Variants in SNX17 observed in about 807,000 individuals in gnomAD.
SNX17 encodes sorting nexin 17.
SNX17 carries 35 observed loss-of-function variants against 64.3 expected under a neutral mutation model. That is an observed-to-expected ratio of 0.54 (90% CI 0.42 to 0.72). The LOEUF is 0.72. SNX17 is among the 30% of genes least tolerant of loss of function. SNX17 has a pLI of 0.00. For synonymous variants in SNX17, 259 were observed against 230.2 expected (o/e 1.13, Z -1.13); for missense variants, 538 against 610.0 (o/e 0.88, Z 1.24).
chr2:27,372,871 G>C, intron 3 of SNX17, 131 bp downstream of exon 3: 1 of 1,330,828 alleles, frequency 7.5e-7, no homozygotes, highest in Non-Finnish European at 1.1e-6. Context: ...CTGTTATGCA[G>C]TTAGCAAAGT....
Position 27,375,152 on chromosome 2 carries a change from A to T in SNX17, c.773A>T (p.Glu258Val). ...CTGCAAGAGAAAGTCTCCAAGAAGGAGGTGAGCCCTGCCTCCTCTCTGTCT... is the reference window on the plus strand; with the variant it reads ...CTGCAAGAGAAAGTCTCCAAGAAGGTGGTGAGCCCTGCCTCCTCTCTGTCT... ...KSLQEKVSKKEFLRLAQTLRH... is the reference protein window; with the variant it reads ...KSLQEKVSKKVFLRLAQTLRH... The change falls in exon 9 of 15, where the codon GAG becomes GTG. Residue 258 changes from glutamate (E) to valine (V), a missense_variant and splice_region_variant. Transcript: ENST00000233575. The surrounding 1 kb of genome is among the most constrained non-coding windows in gnomAD (Gnocchi z 4.1). 1.9e-6 allele frequency: 3 copies of T among 1,614,012 alleles called. No homozygotes were observed. The highest frequency in any genetic ancestry group is 2.5e-6 in the Non-Finnish European group (3 of 1,179,928).
intron 8 of SNX17, 98 bp downstream of exon 8, chr2:27,374,856 TG>T: frequency 8.2e-7 from 1 of 1,220,254 alleles, no homozygotes; most frequent in Non-Finnish European, 1.2e-6. Context: ...TCCCAATTTG[TG>T]GGGAAGTTCC....
chr2:27,372,982 G>A (rs2148396568), intron 3 of SNX17: 1 of 1,457,798 alleles, frequency 6.9e-7, no homozygotes, highest in Non-Finnish European at 9.4e-7. Flanking sequence ...AATATCAGTG[G>A]AGAGAACTTA....
At position 27,374,448 on chromosome 2, in the gene SNX17, TGGAAG is replaced by T. The variant is rs745548435; in HGVS notation, c.611+18_611+22del. 2.4e-5 allele frequency: 39 copies of T among 1,606,890 alleles called. No individual in the cohort carries two copies. Among genetic ancestry groups the T allele is most frequent in the Non-Finnish European group, 3.2e-5 (38 of 1,173,906 alleles). ...CTAAGGAAGAGGTCAGGGCTGGGCCTGGAAGGGGAGGGGTGGGAGGTGCTGTGCTG... is the reference window on the plus strand; with the variant it reads ...CTAAGGAAGAGGTCAGGGCTGGGCCTGGGAGGGGTGGGAGGTGCTGTGCTG... On this transcript the variant is annotated intron_variant, in intron 7 of 14. Transcript: ENST00000233575.
chr2:27,377,355 C>T lies in SNX17; in HGVS notation c.*636C>T. 1.4e-6 allele frequency: 1 copy of T among 718,094 alleles called. No homozygotes were observed. 44.5% of individuals were successfully genotyped at this position (718,094 alleles called of 1,614,324 possible). On this transcript the variant is annotated 3_prime_UTR_variant, in exon 15 of 15. Coordinates refer to ENST00000233575, the MANE Select transcript of SNX17 (RefSeq NM_014748.4). This position sits in a 1 kb window ranked among gnomAD's most constrained non-coding sequence, Gnocchi z 4.4. ...GGGGGCAGTGGAGGTGAATACAGGG[C>T]CCTTCTCACTGAGCTCGTGAAGTGC...
At position 27,377,139 on chromosome 2, in the gene SNX17, CCT is replaced by C; in HGVS notation, c.*424_*425del. 2.4e-6 allele frequency: 1 copy of C among 414,114 alleles called. No individual in the cohort carries two copies. Among genetic ancestry groups the C allele is most frequent in the Non-Finnish European group, 4.5e-6 (1 of 221,062 alleles). The allele number at this position is 414,114 out of a possible 1,614,324, so 25.7% of individuals were successfully genotyped here. On this transcript the variant is annotated 3_prime_UTR_variant, in exon 15 of 15. Coordinates refer to ENST00000233575, the MANE Select transcript of SNX17 (RefSeq NM_014748.4). This position sits in a 1 kb window ranked among gnomAD's most constrained non-coding sequence, Gnocchi z 4.4. ...CCTGACTGCTGCCTACCTCTGGTTC[CCT>C]CTCACTGCCCCTGCTTCCCCCATCA...
At chr2:27,373,609 C>T (rs1036097612) in intron 4 of SNX17, among the ~76,000 whole-genome samples, 28 of 152,166 alleles carry the variant, frequency 1.8e-4, no homozygotes, top group African/African-American at 6.5e-4. Context: ...GTGATCCACC[C>T]GCCTTGGCCT....
At position 27,376,334 on chromosome 2, in the gene SNX17, G is replaced by T; in HGVS notation, c.1204G>T (p.Gly402Cys). The change falls in exon 13 of 15, where the codon GGT becomes TGT. Residue 402 changes from glycine to cysteine, a missense_variant. Transcript: ENST00000233575. Reference sequence around the variant, plus strand: ...CCAGATGCTGCGCCGGCGGGTGGGGGGTACTCTGAGACGCTCAGACAGCCA... The same window carrying T: ...CCAGATGCTGCGCCGGCGGGTGGGGTGTACTCTGAGACGCTCAGACAGCCA... ...IRKMLRRRVG[G>C]TLRRSDSQQA... 6.2e-7 allele frequency: 1 copy of T among 1,612,270 alleles called. No homozygotes were observed. Among genetic ancestry groups the T allele is most frequent in the Non-Finnish European group, 8.5e-7 (1 of 1,178,722 alleles).
rs777349637 is a variant in SNX17, at chr2:27,373,275, C to T, written c.285C>T (p.Ser95=). ...AVRQDPLLGS[S]ETFNSFLRRA... Reference sequence around the variant, plus strand: ...GGCAAGACCCATTGCTTGGGAGCAGCGAGACTTTCAACAGTTTCCTGCGTC... The same window carrying T: ...GGCAAGACCCATTGCTTGGGAGCAGTGAGACTTTCAACAGTTTCCTGCGTC... The change falls in exon 4 of 15, where the codon AGC becomes AGT. Residue 95 remains serine (S), a synonymous_variant. Transcript: ENST00000233575. 100 of 1,614,030 alleles carry T rather than the reference C, an allele frequency of 6.2e-5. No individual in the cohort carries two copies. Among genetic ancestry groups the T allele is most frequent in the Non-Finnish European group, 7.2e-5 (85 of 1,180,026 alleles).
At chr2:27,374,654 G>A in intron 7 of SNX17, 35 bp from the exon 8 acceptor site, 1 of 1,602,872 alleles carries the variant, frequency 6.2e-7, no homozygotes, top group Non-Finnish European at 8.5e-7. Flanking sequence ...ACCCAGCTTA[G>A]CCCCATTACC....
Position 27,375,321 on chromosome 2 carries a change from G to A in SNX17, c.774+168G>A, listed in dbSNP as rs537465838. Among the ~76,000 whole-genome samples, 2 of 152,226 alleles carry A rather than the reference G, an allele frequency of 1.3e-5. No individual in the cohort carries two copies. The highest frequency in any genetic ancestry group is 3.9e-4 in the East Asian group (2 of 5,172). On this transcript the variant is annotated intron_variant, in intron 9 of 14. Transcript: ENST00000233575. This position sits in a 1 kb window ranked among gnomAD's most constrained non-coding sequence, Gnocchi z 4.1. ...GCCCGGCTAATTTTTTGTATTTTTG[G>A]GAGAGACAGGGTTTCACCATGTTAG...
At chr2:27,372,934 C>T (rs754795045) in intron 3 of SNX17, 194 bp downstream of exon 3, 9 of 1,305,126 alleles carry the variant, frequency 6.9e-6, no homozygotes, top group South Asian at 1.3e-5. Flanking sequence ...AATTTGGGCA[C>T]TAACATCTAT....
rs944963690 is a variant in SNX17, at chr2:27,372,607, C to T, written c.139-16C>T. The stretch of plus-strand genomic sequence containing the variant: ...TCTGTGTTTATGTGAAGGGTTGTAT[C>T]TCTTTCTCTAAATAGCTTCGGAAGG... On this transcript the variant is annotated splice_polypyrimidine_tract_variant and intron_variant, in intron 2 of 14. Coordinates refer to ENST00000233575, the MANE Select transcript of SNX17 (RefSeq NM_014748.4). 9.3e-6 allele frequency: 15 copies of T among 1,614,072 alleles called. 1 individual carries two copies. The Admixed American group carries it at 1.8e-4, about 20-fold the overall frequency.
chr2:27,374,730 G>A lies in SNX17; in HGVS notation c.653G>A (p.Arg218Gln), dbSNP rs145463878. The change falls in exon 8 of 15, where the codon CGG (arginine) becomes CAG (glutamine). Residue 218 changes from arginine to glutamine, a missense_variant. Physicochemically the swap from Arg to Gln is conservative, Grantham distance 43 (BLOSUM62 1). Transcript: ENST00000233575. ...TATGATGACGATGTCATGGAGAACC[G>A]GGTTGGCCTGAACCTGCTTTATGCT... Reference protein sequence around the residue: ...SAYDDDVMENRVGLNLLYAQT... With the variant: ...SAYDDDVMENQVGLNLLYAQT... The A allele has an allele frequency of 1.6e-4, 257 of 1,614,090 alleles. No individual in the cohort carries two copies. Among genetic ancestry groups the A allele is most frequent in the Non-Finnish European group, 1.9e-4 (228 of 1,180,020 alleles).
Position 27,374,517 on chromosome 2 carries a change from T to C in SNX17, c.611+84T>C, listed in dbSNP as rs918916433. 8 of 1,366,144 alleles carry C rather than the reference T, an allele frequency of 5.9e-6. No individual in the cohort carries two copies. The African/African-American group carries it at 8.6e-5, about 15-fold the overall frequency. The allele number at this position is 1,366,144 out of a possible 1,614,324, so 84.6% of individuals were successfully genotyped here. A position where few individuals can be genotyped will look rare whatever the true frequency, so the allele number is the denominator to read the frequency against. ...GGCCACATATTGAGACAGAATAATC[T>C]GGACAAGGGGGTGTAGTGCTGGGTG... On this transcript the variant is annotated intron_variant, in intron 7 of 14. Coordinates refer to ENST00000233575, the MANE Select transcript of SNX17 (RefSeq NM_014748.4).
chr2:27,373,897 G>T lies in SNX17; in HGVS notation c.358G>T (p.Glu120Ter). 6.2e-7 allele frequency: 1 copy of T among 1,614,064 alleles called. No homozygotes were observed. Among genetic ancestry groups the T allele is most frequent in the Non-Finnish European group, 8.5e-7 (1 of 1,180,024 alleles). The change falls in exon 5 of 15, where the codon GAA becomes TAA. Residue 120 changes from glutamate to a stop codon, truncating the protein, a stop_gained. Coordinates refer to ENST00000233575, the MANE Select transcript of SNX17 (RefSeq NM_014748.4). LOFTEE classifies it high-confidence loss of function. ...GGTCCCCACAGAGGAAGTGTCCTTG[G>T]AAGTGCTGCTCAGCAACGGGCAGAA... ...QQVPTEEVSLEVLLSNGQKVL... is the reference protein window; with the variant it reads ...QQVPTEEVSL
At position 27,375,786 on chromosome 2, in the gene SNX17, G is replaced by T; in HGVS notation, c.979-60G>T. ...TGAGCTTAGGTATGGGCTGCAGCGG[G>T]TCAGGGAGCCAGACAGGTTGGTCAG... On this transcript the variant is annotated intron_variant, in intron 10 of 14. Coordinates refer to ENST00000233575, the MANE Select transcript of SNX17 (RefSeq NM_014748.4). This position sits in a 1 kb window ranked among gnomAD's most constrained non-coding sequence, Gnocchi z 4.1. The T allele has an allele frequency of 2.5e-6, 4 of 1,610,188 alleles. No individual in the cohort carries two copies. The South Asian group carries it at 4.4e-5, about 18-fold the overall frequency.
Position 27,374,768 on chromosome 2 carries a change from G to T in SNX17, c.681+10G>T. On this transcript the variant is annotated intron_variant, in intron 8 of 14. Transcript: ENST00000233575. Reference sequence around the variant, plus strand: ...CCTGCTTTATGCTCAGGTGAGCTTGGAGCTGCCTCAGAACCCTTCCCCTGA... The same window carrying T: ...CCTGCTTTATGCTCAGGTGAGCTTGTAGCTGCCTCAGAACCCTTCCCCTGA... The T allele has an allele frequency of 1.2e-6, 2 of 1,613,544 alleles. No individual in the cohort carries two copies. The highest frequency in any genetic ancestry group is 1.7e-6 in the Non-Finnish European group (2 of 1,179,492).
Position 27,370,818 on chromosome 2 carries a change from C to T in SNX17, c.63+12C>T, listed in dbSNP as rs1295100796. 32 of 1,539,868 alleles carry T rather than the reference C, an allele frequency of 2.1e-5. No homozygotes were observed. The highest frequency in any genetic ancestry group is 2.7e-5 in the Non-Finnish European group (31 of 1,145,336). On this transcript the variant is annotated intron_variant, in intron 1 of 14. Transcript: ENST00000233575. ...GCTCCGCCTACGTGGTGAGGAGCGGCCGGAGCCGAGCCGGGCCGGGCAGGG... is the reference window on the plus strand; with the variant it reads ...GCTCCGCCTACGTGGTGAGGAGCGGTCGGAGCCGAGCCGGGCCGGGCAGGG...
Sources: allele counts gnomAD v4.1 joint callset (sites outside exome capture counted in the v4.1 genomes callset), GRCh38; gene constraint gnomAD v4.1.1; non-coding constraint Gnocchi (gnomAD v3.1); transcripts MANE v1.5; gene names NCBI Gene and HGNC (gene_info 2026-07-23, HGNC 2026-07-21).